The following CTDP1 variants were observed in gnomAD, a reference collection of about 807,000 sequenced individuals.
CTDP1 encodes CTD phosphatase 1.
CTDP1 carries 47 observed loss-of-function variants against 91.8 expected under a neutral mutation model. The observed-to-expected ratio is 0.51, with a 90% CI of 0.41 to 0.65. The LOEUF is 0.65. Among genes scored for constraint, CTDP1 ranks in the 30% least tolerant of loss-of-function variants. The probability of loss-of-function intolerance (pLI) is 0.00; values close to 1 mark genes in which losing one functional copy is unlikely to be tolerated. For missense variants in CTDP1, 1,272 were observed against 1,373.7 expected (o/e 0.93, Z 1.17); for synonymous variants, 656 against 598.5 (o/e 1.10, Z -1.40).
intron 10 of CTDP1, among the ~76,000 whole-genome samples, chr18:79,727,438 C>T (rs959546051): frequency 1.3e-5 from 2 of 151,402 alleles, no homozygotes; most frequent in Non-Finnish European, 2.9e-5. Flanking sequence ...GGGTGGGAAG[C>T]CTGGCATTCA....
rs1321810583 is a variant in CTDP1, at chr18:79,713,250, T to A, written c.1030+112T>A. 2 of 1,122,724 alleles carry A rather than the reference T, an allele frequency of 1.8e-6. No individual in the cohort carries two copies. The highest frequency in any genetic ancestry group is 4.3e-5 in the Admixed American group (2 of 46,542). The allele number at this position is 1,122,724 out of a possible 1,614,324, so 69.5% of individuals were successfully genotyped here. The stretch of plus-strand genomic sequence containing the variant: ...CTATAAATTCAAGATACACTTTTTT[T>A]ATTTGTGTTTCAGTAGAGATTATTG... On this transcript the variant is annotated intron_variant, in intron 7 of 12. Coordinates refer to ENST00000613122, the MANE Select transcript of CTDP1 (RefSeq NM_004715.5). The surrounding 1 kb of genome is among the most constrained non-coding windows in gnomAD (Gnocchi z 4.7).
Position 79,749,532 on chromosome 18 carries a change from C to T in CTDP1, c.2748-4120C>T, listed in dbSNP as rs1450273326. Among the ~76,000 whole-genome samples, 3 of 130,524 alleles carry T rather than the reference C, an allele frequency of 2.3e-5. No homozygotes were observed. In the South Asian group the frequency reaches 7.6e-4, roughly 33 times the overall value. 85.6% of individuals were successfully genotyped at this position (130,524 alleles called of 152,430 possible). ...GTGCACACGAGATCCAGGCCCGCCC[C>T]CTCCTGGACTTGGTGACCGTCCCGA... is the stretch of plus-strand genomic sequence containing the variant. On this transcript the variant is annotated intron_variant, in intron 12 of 12. Transcript: ENST00000613122.
intron 10 of CTDP1, among the ~76,000 whole-genome samples, chr18:79,719,189 C>G (rs532603541): frequency 1.3e-5 from 2 of 152,346 alleles, no homozygotes; most frequent in South Asian, 4.1e-4. Flanking sequence ...TTTTCTGTTT[C>G]ATAGATTGTG....
chr18:79,693,114 C>T (rs2085658480), intron 1 of CTDP1, among the ~76,000 whole-genome samples: 1 of 152,182 alleles, frequency 6.6e-6, no homozygotes, highest in Non-Finnish European at 1.5e-5. Context: ...GACACAGACT[C>T]CTGGGCGGGG....
rs931996010 is a variant in CTDP1, at chr18:79,713,406, C to G, written c.1030+268C>G. On this transcript the variant is annotated intron_variant, in intron 7 of 12. Coordinates refer to ENST00000613122, the MANE Select transcript of CTDP1 (RefSeq NM_004715.5). This position sits in a 1 kb window ranked among gnomAD's most constrained non-coding sequence, Gnocchi z 4.7. ...AGGATGCTGTTTAACCTAACACATC[C>G]GAATAACTCCCTTCATCCCAGTTTT... 2.0e-5 allele frequency among the ~76,000 whole-genome samples: 3 copies of G among 152,150 alleles called. No homozygotes were observed. Among genetic ancestry groups the G allele is most frequent in the Admixed American group, 2.0e-4 (3 of 15,278 alleles).
chr18:79,696,214 TG>T, intron 3 of CTDP1, 144 bp downstream of exon 3: 1 of 760,138 alleles, frequency 1.3e-6, no homozygotes, highest in Admixed American at 2.0e-5. Context: ...GGATGACTTA[TG>T]GGACTGCGGC....
At chr18:79,718,156 TGGG>T in intron 10 of CTDP1, 140 bp downstream of exon 10, 7 of 1,000,982 alleles carry the variant, frequency 7.0e-6, no homozygotes, top group Non-Finnish European at 1.1e-5. Flanking sequence ...TTCCACCTTG[TGGG>T]AGCGCCGCCC....
intron 4 of CTDP1, among the ~76,000 whole-genome samples, chr18:79,699,465 G>A (rs953234838): frequency 1.6e-4 from 24 of 151,886 alleles, no homozygotes; most frequent in Non-Finnish European, 2.6e-4. Context: ...GGGTTTCACC[G>A]TGTTAGCCAG....
intron 12 of CTDP1, among the ~76,000 whole-genome samples, chr18:79,739,078 C>T (rs1428306074): frequency 6.6e-6 from 1 of 152,212 alleles, no homozygotes; most frequent in Non-Finnish European, 1.5e-5. Context: ...CCCTGAAGAC[C>T]CTCTAGCCCG....
At chr18:79,716,518 C>T (rs1022204267) in intron 8 of CTDP1, among the ~76,000 whole-genome samples, 6 of 152,336 alleles carry the variant, frequency 3.9e-5, no homozygotes, top group African/African-American at 1.4e-4. Flanking sequence ...AAAGCCAAGC[C>T]CTGGCCTCCT....
chr18:79,749,825 G>A (rs11081560), intron 12 of CTDP1: 70,994 of 152,096 alleles, frequency 0.47, 16,794 homozygotes, highest in East Asian at 0.58. Flanking sequence ...CTAATGGGAG[G>A]ATGGGAGCCG....
intron 6 of CTDP1, among the ~76,000 whole-genome samples, chr18:79,710,807 A>G (rs536032446): frequency 9.5e-5 from 14 of 147,648 alleles, no homozygotes; most frequent in Non-Finnish European, 1.6e-4. Context: ...CAGCCTCCCA[A>G]AGTGTTGGGA....
rs145968593 is a variant in CTDP1 at position 79,738,512 on chromosome 18, G to C, written c.2747+1991G>C. Among the ~76,000 whole-genome samples, 15 of 152,354 alleles carry C rather than the reference G, an allele frequency of 9.8e-5. No homozygotes were observed. In the East Asian group the frequency reaches 2.9e-3, roughly 29 times the overall value. ...CCCAGCTTCAGCAGGCTAGCAGGGG[G>C]CACTCCAGGTACACGTCTGGTGTCT... On this transcript the variant is annotated intron_variant, in intron 12 of 12. Coordinates refer to ENST00000613122, the MANE Select transcript of CTDP1 (RefSeq NM_004715.5).
chr18:79,716,726 C>T (rs1331990721), intron 8 of CTDP1, among the ~76,000 whole-genome samples: 2 of 152,282 alleles, frequency 1.3e-5, no homozygotes, highest in Non-Finnish European at 2.9e-5. Context: ...AGTGCCCAAG[C>T]TCCTGGCCCT....
At position 79,714,548 on chromosome 18, in the gene CTDP1, A is replaced by G. The variant is rs761999155; in HGVS notation, c.1088A>G (p.Glu363Gly). ...SEPSPPVRDP[E>G]GVTQAPGVEP... ...CCATCTCCGCCCGTGAGAGACCCTG[A>G]GGGGGTAACGCAGGCCCCTGGAGTG... The change falls in exon 8 of 13, where the codon GAG (glutamate) becomes GGG (glycine). Residue 363 changes from glutamate (E) to glycine (G), a missense_variant. Around this residue, in one of 3 missense-constraint regions of CTDP1, gnomAD observed 881 missense variants for 911.6 expected, o/e 0.97. Transcript: ENST00000613122. The G allele has an allele frequency of 9.9e-6, 16 of 1,613,010 alleles. No individual in the cohort carries two copies. The East Asian group carries it at 3.3e-4, about 34-fold the overall frequency.
chr18:79,679,613 G>T, upstream of CTDP1: 1 of 481,980 alleles, frequency 2.1e-6, no homozygotes, highest in Non-Finnish European at 4.1e-6. Flanking sequence ...GGCCCGCGTT[G>T]CATGCCGCTG....
At chr18:79,692,641 C>G (rs1403258048) in intron 1 of CTDP1, among the ~76,000 whole-genome samples, 2 of 152,166 alleles carry the variant, frequency 1.3e-5, no homozygotes, top group Non-Finnish European at 2.9e-5. Flanking sequence ...CAAGGAGGAG[C>G]CCGCGGTGAG....
At chr18:79,688,523 C>G (rs925729222) in intron 1 of CTDP1, among the ~76,000 whole-genome samples, 3 of 152,078 alleles carry the variant, frequency 2.0e-5, no homozygotes, top group African/African-American at 7.2e-5. Flanking sequence ...CCTCGGCCTC[C>G]TGAAGTGTTG....
At chr18:79,748,009 T>C (rs141855663) in intron 12 of CTDP1, among the ~76,000 whole-genome samples, 7 of 152,346 alleles carry the variant, frequency 4.6e-5, no homozygotes, top group Non-Finnish European at 8.8e-5. Context: ...ATTCTTGCCT[T>C]ATTCAATGTT....
Sources: gnomAD v4.1 joint callset for allele counts (sites outside exome capture counted in the v4.1 genomes callset) on GRCh38, gnomAD v4.1.1 for gene constraint, gnomAD v4.1.1 regional missense constraint, Gnocchi (gnomAD v3.1) non-coding constraint, MANE v1.5 for transcripts, NCBI Gene and HGNC (gene_info 2026-07-23, HGNC 2026-07-21) for gene names.